Variants in FUT8 observed in about 807,000 individuals in gnomAD.
FUT8 encodes fucosyltransferase 8.
Under a neutral mutation model 71.3 loss-of-function variants are expected in FUT8, and 29 were observed. The ratio of observed to expected loss-of-function variants is 0.41; its 90% CI spans 0.30 to 0.55. FUT8 has a LOEUF of 0.55. FUT8 is among the 20% of genes least tolerant of loss of function. The pLI, the probability that FUT8 is intolerant of heterozygous loss-of-function variation, is 0.34. For missense variants in FUT8, 544 were observed against 702.1 expected (o/e 0.77, Z 2.55); for synonymous variants, 254 against 239.3 (o/e 1.06, Z -0.57).
At chr14:65,596,201 G>T (rs937280597) in intron 3 of FUT8, among the ~76,000 whole-genome samples, 1 of 152,098 alleles carries the variant, frequency 6.6e-6, no homozygotes, top group Non-Finnish European at 1.5e-5. Flanking sequence ...GTTAGAGAAA[G>T]TATACACAGA....
intron 2 of FUT8, among the ~76,000 whole-genome samples, chr14:65,502,445 G>A (rs1004845888): frequency 2.6e-5 from 4 of 151,888 alleles, no homozygotes; most frequent in Admixed American, 2.6e-4. Flanking sequence ...GGCTGGTCTC[G>A]AACTCCAGAC....
At chr14:65,400,594 G>T in the FUT8 span, among the ~76,000 whole-genome samples, 1 of 152,164 alleles carries the variant, frequency 6.6e-6, no homozygotes, top group Non-Finnish European at 1.5e-5. Flanking sequence ...TTTCCAAATG[G>T]CTGTCTTAAG....
In FUT8 at chr14:65,607,104, G is replaced by A. The variant is rs953146548; in HGVS notation, c.204-8874G>A. On this transcript the variant is annotated intron_variant, in intron 3 of 10. Coordinates refer to ENST00000673929, the MANE Select transcript of FUT8 (RefSeq NM_001371533.1). The surrounding 1 kb of genome is among the most constrained non-coding windows in gnomAD (Gnocchi z 4.1). ...TCCCTGAACTTTATTAGTACGATTT[G>A]TAGATTATCTTGGATTTTCTGTATT... Among the ~76,000 whole-genome samples the A allele has an allele frequency of 2.0e-5, 3 of 151,874 alleles. No homozygotes were observed. Among genetic ancestry groups the A allele is most frequent in the Non-Finnish European group, 4.4e-5 (3 of 67,884 alleles).
At chr14:65,525,301 T>C (rs1425583498) in intron 2 of FUT8, among the ~76,000 whole-genome samples, 1 of 152,336 alleles carries the variant, frequency 6.6e-6, no homozygotes, top group East Asian at 1.9e-4. Context: ...GGAGGGTGTA[T>C]GTGTCTAGGA....
chr14:65,416,292 TA>T (rs2065217928), intron 1 of FUT8, among the ~76,000 whole-genome samples: 1 of 151,228 alleles, frequency 6.6e-6, no homozygotes, highest in Admixed American at 6.6e-5. Context: ...ACTCTGAAAC[TA>T]AAAGTATTAC....
At chr14:65,738,931 G>T (rs17102895) in intron 10 of FUT8, among the ~76,000 whole-genome samples, 1 of 152,136 alleles carries the variant, frequency 6.6e-6, no homozygotes, top group East Asian at 1.9e-4. Flanking sequence ...TATTGAGCAC[G>T]TACTTTGTGG....
chr14:65,508,915 C>G (rs1346223855), intron 2 of FUT8, among the ~76,000 whole-genome samples: 1 of 152,058 alleles, frequency 6.6e-6, no homozygotes, highest in Non-Finnish European at 1.5e-5. Context: ...TGTGGAGAAG[C>G]TTTTTAATTT....
chr14:65,409,136 T>TC (rs1398949284), upstream of FUT8, among the ~76,000 whole-genome samples: 1 of 152,216 alleles, frequency 6.6e-6, no homozygotes, highest in Non-Finnish European at 1.5e-5. This position sits in a 1 kb window ranked among gnomAD's most constrained non-coding sequence, Gnocchi z 5.4. Flanking sequence ...AATGATTATC[T>TC]CAAGGTCACC....
At chr14:65,608,936 T>C (rs13379147) in intron 3 of FUT8, among the ~76,000 whole-genome samples, 9,810 of 152,006 alleles carry the variant, frequency 0.065, 657 homozygotes, top group African/African-American at 0.15. Flanking sequence ...TTTTTCTTTT[T>C]TTTCCTGATG....
In FUT8 at chr14:65,544,191, A is replaced by G. The variant is rs1425127320; in HGVS notation, c.-227-17146A>G. Reference sequence around the variant, plus strand: ...GCTGCATGTTGGGTAAGAACTTGGCATATTCCAGAAACTGGCAGAAGGCTG... The same window carrying G: ...GCTGCATGTTGGGTAAGAACTTGGCGTATTCCAGAAACTGGCAGAAGGCTG... On this transcript the variant is annotated intron_variant, in intron 2 of 10. Transcript: ENST00000673929. 4.6e-5 allele frequency among the ~76,000 whole-genome samples: 7 copies of G among 152,214 alleles called. No homozygotes were observed. The East Asian group carries it at 1.3e-3, about 29-fold the overall frequency.
At chr14:65,442,570 C>T (rs1380904835) in intron 1 of FUT8, among the ~76,000 whole-genome samples, 1 of 151,762 alleles carries the variant, frequency 6.6e-6, no homozygotes, top group Non-Finnish European at 1.5e-5. Flanking sequence ...TGTGGTGGCT[C>T]GCACCTGTAA....
intron 7 of FUT8, among the ~76,000 whole-genome samples, chr14:65,693,352 C>T (rs1018200651): frequency 3.9e-5 from 6 of 152,294 alleles, no homozygotes; most frequent in Non-Finnish European, 7.4e-5. Context: ...CAAAAAAATA[C>T]GAAAACCAGT....
intron 3 of FUT8, among the ~76,000 whole-genome samples, chr14:65,582,485 TTTAC>T (rs1887145908): frequency 6.6e-6 from 1 of 152,222 alleles, no homozygotes; most frequent in African/African-American, 2.4e-5. Context: ...ATTTTACTAT[TTTAC>T]TGATTCAGCC....
At chr14:65,479,160 A>G (rs370436416) in intron 2 of FUT8, among the ~76,000 whole-genome samples, 5 of 152,236 alleles carry the variant, frequency 3.3e-5, no homozygotes, top group East Asian at 1.9e-4. Context: ...GTAGATTATC[A>G]TAAGAATTCT....
In FUT8 at chr14:65,583,182, G is replaced by GT. The variant is rs913191052; in HGVS notation, c.203+21423dup. The stretch of plus-strand genomic sequence containing the variant: ...TCATGGTTTTATTTCTTTTTCTTTT[G>GT]TTTTTTTCTTTTTAGACAAGATCTC... On this transcript the variant is annotated intron_variant, in intron 3 of 10. Coordinates refer to ENST00000673929, the MANE Select transcript of FUT8 (RefSeq NM_001371533.1). Among the ~76,000 whole-genome samples the GT allele has an allele frequency of 1.8e-4, 27 of 151,514 alleles. 1 individual carries two copies. The highest frequency in any genetic ancestry group is 1.2e-3 in the Admixed American group (18 of 15,218).
upstream of FUT8, chr14:65,411,314 A>G (rs2065121031): frequency 6.6e-6 from 1 of 152,250 alleles, no homozygotes; most frequent in Non-Finnish European, 1.5e-5. Context: ...AGATAATCAT[A>G]AAAACGACTG....
chr14:65,434,323 C>T (rs2065522344), intron 1 of FUT8, among the ~76,000 whole-genome samples: 1 of 152,158 alleles, frequency 6.6e-6, no homozygotes, highest in South Asian at 2.1e-4. Flanking sequence ...TGTTAGAAAG[C>T]TTCTTTCATG....
intron 3 of FUT8, among the ~76,000 whole-genome samples, chr14:65,563,861 G>A (rs1886048416): frequency 6.6e-6 from 1 of 151,904 alleles, no homozygotes; most frequent in African/African-American, 2.4e-5. Flanking sequence ...CTTATATGTT[G>A]AAATTAATTT....
At chr14:65,510,399 T>C (rs567765399) in intron 2 of FUT8, among the ~76,000 whole-genome samples, 1 of 152,260 alleles carries the variant, frequency 6.6e-6, no homozygotes, top group South Asian at 2.1e-4. Context: ...CTTCTTTTGA[T>C]GTGTCTTTTT....
Sources: allele counts gnomAD v4.1 joint callset (sites outside exome capture counted in the v4.1 genomes callset), GRCh38; gene constraint gnomAD v4.1.1; non-coding constraint Gnocchi (gnomAD v3.1); transcripts MANE v1.5; gene names NCBI Gene and HGNC (gene_info 2026-07-23, HGNC 2026-07-21).